Variants in KLK13 observed in about 807,000 individuals in gnomAD.
KLK13 encodes kallikrein related peptidase 13.
Under a neutral mutation model 22.4 loss-of-function variants are expected in KLK13, and 19 were observed. That is an observed-to-expected ratio of 0.85 (90% CI 0.59 to 1.24). The LOEUF is 1.24. Ranked by LOEUF, KLK13 falls within the 50% of genes most tolerant of loss-of-function variation. The pLI is 0.00. For missense variants in KLK13, 311 were observed against 347.9 expected, an observed-to-expected ratio of 0.89 and a Z score of 0.84; for synonymous variants, 156 against 141.8, an observed-to-expected ratio of 1.10 and a Z score of -0.71.
intron 3 of KLK13, 34 bp from the exon 4 acceptor site, chr19:51,058,708 G>A (rs199640206): frequency 1.4e-5 from 23 of 1,611,390 alleles, no homozygotes; most frequent in African/African-American, 6.7e-5. Flanking sequence ...TAAGGTATCC[G>A]ACCTGGATAG....
rs1369675668 is a variant in KLK13, at chr19:51,060,549, G to GGT, written c.121_122dup (p.Cys42ProfsTer14). On this transcript the variant is annotated frameshift_variant, in exon 2 of 5. Coordinates refer to ENST00000595793, the MANE Select transcript of KLK13 (RefSeq NM_015596.3). LOFTEE classifies it high-confidence loss of function. ...GCCAGGGCTGAGAGTGGGGGAAGCA[G>GGT]GTGTAGCCACCTGGGAGAAACCCAC... 1 of 1,613,924 alleles carries GGT rather than the reference G, an allele frequency of 6.2e-7. No individual in the cohort carries two copies. The highest frequency in any genetic ancestry group is 8.5e-7 in the Non-Finnish European group (1 of 1,179,866).
rs530809566 is a variant in KLK13, at chr19:51,065,039, G to A, written c.29C>T (p.Ser10Phe). The A allele has an allele frequency of 1.3e-6, 2 of 1,553,402 alleles. No individual in the cohort carries two copies. The highest frequency in any genetic ancestry group is 2.4e-5 in the East Asian group (1 of 41,248). Residue 10 changes from serine (S) to phenylalanine (F), a missense_variant, in exon 1 of 5, where the codon TCC becomes TTC. Ser to Phe is a radical substitution (Grantham distance 155, BLOSUM62 -2). Coordinates refer to ENST00000595793, the MANE Select transcript of KLK13 (RefSeq NM_015596.3). The stretch of plus-strand genomic sequence containing the variant: ...ACCTCCTGACAAGGCCAAGGTCAGG[G>A]AGGCGATCACTAGGGCCAGGGGCCA... MWPLALVIA[S>F]LTLALSGGVS...
chr19:51,058,126 T>C (rs1287320469), intron 4 of KLK13, among the ~76,000 whole-genome samples: 1 of 152,148 alleles, frequency 6.6e-6, no homozygotes, highest in Admixed American at 6.5e-5. Context: ...CAAAACAGAA[T>C]AAAGAAGAGC....
intron 3 of KLK13, 62 bp downstream of exon 3, chr19:51,059,763 T>C: frequency 7.2e-7 from 1 of 1,394,920 alleles, no homozygotes; most frequent in South Asian, 1.7e-5. Context: ...TTCCCTCCCA[T>C]CTCTGCCCCT....
At chr19:51,065,662 G>C (rs1449415864), upstream of KLK13, among the ~76,000 whole-genome samples, 2 of 151,992 alleles carry the variant, frequency 1.3e-5, no homozygotes, top group African/African-American at 4.8e-5. Context: ...CACGAGGAGC[G>C]TCAGCCGCCA....
chr19:51,061,600 A>G (rs2091732185), intron 1 of KLK13, among the ~76,000 whole-genome samples: 1 of 152,276 alleles, frequency 6.6e-6, no homozygotes, highest in African/African-American at 2.4e-5. Flanking sequence ...CCAAATATCC[A>G]GTTATCTCCA....
rs2091671934 is a variant in KLK13 at position 51,055,969 on chromosome 19, G to C, written c.*618C>G. On this transcript the variant is annotated 3_prime_UTR_variant, in exon 5 of 5. Coordinates refer to ENST00000595793, the MANE Select transcript of KLK13 (RefSeq NM_015596.3). ...GGTATTGGAAGAATGTGGGATGTAG[G>C]TTGGGTTGGGACTTCTGAGACACCC... Among the ~76,000 whole-genome samples, 1 of 152,314 alleles carries C rather than the reference G, an allele frequency of 6.6e-6. No homozygotes were observed. Among genetic ancestry groups the C allele is most frequent in the South Asian group, 2.1e-4 (1 of 4,830 alleles).
At chr19:51,065,292 T>A (rs1450936651), upstream of KLK13, among the ~76,000 whole-genome samples, 1 of 151,978 alleles carries the variant, frequency 6.6e-6, no homozygotes, top group African/African-American at 2.4e-5. Flanking sequence ...GTGTGCAACC[T>A]CCTGGGGCTC....
intron 3 of KLK13, 106 bp from the exon 4 acceptor site, chr19:51,058,780 T>C (rs1260231564): frequency 2.7e-6 from 3 of 1,112,000 alleles, no homozygotes; most frequent in Non-Finnish European, 4.0e-6. Flanking sequence ...AAAATTGAGA[T>C]GGGAAGAGAA....
At chr19:51,059,049 G>A (rs2091701338) in intron 3 of KLK13, among the ~76,000 whole-genome samples, 1 of 152,086 alleles carries the variant, frequency 6.6e-6, no homozygotes, top group African/African-American at 2.4e-5. Context: ...GAACAGGGAT[G>A]GGAAGAGTTA....
chr19:51,064,723 C>G, intron 1 of KLK13: 1 of 632,784 alleles, frequency 1.6e-6, no homozygotes, highest in South Asian at 1.5e-5. Flanking sequence ...AGCGTCAGGA[C>G]GCGAACCCAT....
chr19:51,058,742 G>A, intron 3 of KLK13, 68 bp from the exon 4 acceptor site: 1 of 1,515,102 alleles, frequency 6.6e-7, no homozygotes, highest in Non-Finnish European at 9.1e-7. Flanking sequence ...GGTGAAATAG[G>A]CGAGTTGAAT....
intron 3 of KLK13, among the ~76,000 whole-genome samples, chr19:51,059,165 G>A (rs1005011329): frequency 1.3e-5 from 2 of 151,598 alleles, no homozygotes; most frequent in Admixed American, 1.3e-4. Context: ...AGATGCAAAG[G>A]GCTCTTGTCG....
chr19:51,062,402 T>C (rs796705538), intron 1 of KLK13, among the ~76,000 whole-genome samples: 4 of 152,332 alleles, frequency 2.6e-5, no homozygotes, highest in African/African-American at 9.6e-5. Flanking sequence ...AGAACAATGA[T>C]TGCTATTCAT....
chr19:51,060,441 A>AGTATGTGTGCGG lies in KLK13; in HGVS notation c.230_231insCCGCACACATAC (p.Cys77_Leu78insArgThrHisThr). The AGTATGTGTGCGG allele has an allele frequency of 6.2e-7, 1 of 1,607,744 alleles. No individual in the cohort carries two copies. Among genetic ancestry groups the AGTATGTGTGCGG allele is most frequent in the Non-Finnish European group, 8.5e-7 (1 of 1,176,420 alleles). The stretch of plus-strand genomic sequence containing the variant: ...CCCCGGCCCCCACATACTCCTTTAG[A>AGTATGTGTGCGG]CAGTGTGCGGCAGTGAGGACCCATT... On this transcript the variant is annotated inframe_insertion, in exon 2 of 5. Coordinates refer to ENST00000595793, the MANE Select transcript of KLK13 (RefSeq NM_015596.3).
chr19:51,063,851 G>T (rs780870770), intron 1 of KLK13: 5 of 463,080 alleles, frequency 1.1e-5, no homozygotes, highest in African/African-American at 4.0e-5. Flanking sequence ...TTGGCTCCTT[G>T]AAGTCTTCAC....
In KLK13 at chr19:51,056,596, G is replaced by A; in HGVS notation, c.825C>T (p.Gly275=). The A allele has an allele frequency of 6.2e-7, 1 of 1,614,152 alleles. No individual in the cohort carries two copies. The highest frequency in any genetic ancestry group is 8.5e-7 in the Non-Finnish European group (1 of 1,179,998). The part of the protein sequence containing the change: ...YETQQQKWLK[G]PQ ...GTACATTTCTCAACTTTTATTGTGG[G>A]CCCTTCAACCATTTTTGCTGCTGGG... Residue 275 remains glycine (G), a synonymous_variant, in exon 5 of 5, where the codon GGC becomes GGT. Transcript: ENST00000595793.
intron 1 of KLK13, among the ~76,000 whole-genome samples, chr19:51,061,568 C>A (rs929101767): frequency 4.6e-5 from 7 of 152,218 alleles, no homozygotes; most frequent in Non-Finnish European, 8.8e-5. Context: ...CACTCACAAC[C>A]AGTTCCTATT....
upstream of KLK13, chr19:51,065,208 C>A: frequency 1.8e-6 from 1 of 569,402 alleles, no homozygotes; most frequent in Non-Finnish European, 3.0e-6. Context: ...CTCTTGACAG[C>A]CCTGACCCTG....
Sources: allele counts gnomAD v4.1 joint callset (sites outside exome capture counted in the v4.1 genomes callset), GRCh38; gene constraint gnomAD v4.1.1; transcripts MANE v1.5; gene names NCBI Gene and HGNC (gene_info 2026-07-23, HGNC 2026-07-21).